SH2D4B: variants seen among roughly 807,000 people sequenced by gnomAD.
SH2D4B encodes the protein SH2 domain containing 4B.
SH2D4B carries 45 observed loss-of-function variants against 61.5 expected under a neutral mutation model. The observed-to-expected ratio is 0.73, with a 90% CI of 0.58 to 0.94. The LOEUF (loss-of-function observed/expected upper bound fraction) is 0.94, where lower values mean the gene tolerates loss of function less well. Among genes scored for constraint, SH2D4B ranks in the 40% least tolerant of loss-of-function variants. The pLI is 0.00. For synonymous variants in SH2D4B, 224 were observed against 220.4 expected (o/e 1.02, Z -0.14); for missense variants, 572 against 574.2 (o/e 1.00, Z 0.04).
rs113753973 is a variant in SH2D4B at position 80,601,397 on chromosome 10, T to G, written c.644-2182T>G. Among the ~76,000 whole-genome samples the G allele has an allele frequency of 4.5e-3, 691 of 152,342 alleles. 3 individuals are homozygous for G. The highest frequency in any genetic ancestry group is 0.015 in the African/African-American group (616 of 41,580). On this transcript the variant is annotated intron_variant, in intron 4 of 7. Coordinates refer to ENST00000646907, the MANE Select transcript of SH2D4B (RefSeq NM_001388272.1). ...GCTAGAGATATTTGTTGGTCTTATT[T>G]TCTCAACTTGCCCCTGAGTGCCTTG...
chr10:80,550,375 C>T (rs1234214200), intron 1 of SH2D4B, among the ~76,000 whole-genome samples: 1 of 152,130 alleles, frequency 6.6e-6, no homozygotes, highest in Non-Finnish European at 1.5e-5. Flanking sequence ...GGGCGGATCA[C>T]GAGGTCAGGA....
chr10:80,624,860 C>T (rs2132155087), intron 6 of SH2D4B, among the ~76,000 whole-genome samples: 1 of 152,224 alleles, frequency 6.6e-6, no homozygotes, highest in East Asian at 1.9e-4. Context: ...TGCAGAACAA[C>T]AATATTAAAA....
chr10:80,602,525 G>A (rs995012674), intron 4 of SH2D4B, among the ~76,000 whole-genome samples: 3 of 152,244 alleles, frequency 2.0e-5, no homozygotes, highest in Middle Eastern at 3.4e-3. Context: ...GCTAGAGAGC[G>A]GGGTGTCTTG....
At chr10:80,629,866 T>C (rs1842810558) in intron 6 of SH2D4B, among the ~76,000 whole-genome samples, 1 of 152,184 alleles carries the variant, frequency 6.6e-6, no homozygotes, top group Non-Finnish European at 1.5e-5. Flanking sequence ...AGGCTACCCA[T>C]GGAACAAGTC....
At chr10:80,636,325 G>A (rs778871608) in intron 7 of SH2D4B, among the ~76,000 whole-genome samples, 8 of 152,116 alleles carry the variant, frequency 5.3e-5, no homozygotes, top group Non-Finnish European at 1.0e-4. Context: ...TAATGGGATC[G>A]CTGGGTCAAA....
chr10:80,608,918 C>G (rs763087884), intron 5 of SH2D4B, among the ~76,000 whole-genome samples: 10 of 152,008 alleles, frequency 6.6e-5, no homozygotes, highest in Middle Eastern at 3.2e-3. Flanking sequence ...CCTCAGAGGG[C>G]GGGGAGGGAG....
Position 80,597,288 on chromosome 10 carries a change from C to T in SH2D4B, c.644-6291C>T, listed in dbSNP as rs954166384. 5.9e-5 allele frequency among the ~76,000 whole-genome samples: 9 copies of T among 152,278 alleles called. No individual in the cohort carries two copies. The East Asian group carries it at 1.5e-3, about 26-fold the overall frequency. On this transcript the variant is annotated intron_variant, in intron 4 of 7. Transcript: ENST00000646907. The stretch of plus-strand genomic sequence containing the variant: ...CCATTGTATTAGACATATTTCCTCC[C>T]CTCAAAATCTCAGCCTGGAAAAAGA...
At chr10:80,544,476 C>T (rs968435295) in intron 1 of SH2D4B, among the ~76,000 whole-genome samples, 7 of 152,362 alleles carry the variant, frequency 4.6e-5, no homozygotes, top group Non-Finnish European at 8.8e-5. Flanking sequence ...CTCCCACTGC[C>T]CTCATGGAAA....
Position 80,645,592 on chromosome 10 carries a change from T to C in SH2D4B, c.*1507T>C, listed in dbSNP as rs1840384840. 6.6e-6 allele frequency: 1 copy of C among 152,192 alleles called. No homozygotes were observed. The highest frequency in any genetic ancestry group is 1.5e-5 in the Non-Finnish European group (1 of 68,056). The allele number at this position is 152,192 out of a possible 1,614,324, so 9.4% of individuals were successfully genotyped here. A position where few individuals can be genotyped will look rare whatever the true frequency, so the allele number is the denominator to read the frequency against. ...TCTTGTAGAAGACAGTCCTGTAAGA[T>C]CGAGCAACCAGTCATGATGAAACCA... On this transcript the variant is annotated 3_prime_UTR_variant, in exon 8 of 8. Transcript: ENST00000646907.
At chr10:80,599,989 A>G (rs1466247468) in intron 4 of SH2D4B, among the ~76,000 whole-genome samples, 2 of 152,152 alleles carry the variant, frequency 1.3e-5, no homozygotes, top group East Asian at 3.9e-4. Flanking sequence ...TAAAGGTGCC[A>G]TTTCAGCTTC....
chr10:80,541,687 A>G (rs1205879757), intron 1 of SH2D4B, among the ~76,000 whole-genome samples: 1 of 152,216 alleles, frequency 6.6e-6, no homozygotes, highest in Non-Finnish European at 1.5e-5. Context: ...ACAGGCAGGC[A>G]GGACAAGGTG....
intron 3 of SH2D4B, among the ~76,000 whole-genome samples, chr10:80,572,688 C>T (rs537017528): frequency 3.3e-5 from 5 of 151,698 alleles, no homozygotes; most frequent in Non-Finnish European, 5.9e-5. Context: ...GGCGTGATCT[C>T]GGTTCACTGC....
rs891363997 is a variant in SH2D4B at position 80,646,225 on chromosome 10, T to G, written c.*2140T>G. ...TATCAGGGGATATGATGTGATGATT[T>G]TCAAGGTGTTGGAGGCAACTTCTGT... On this transcript the variant is annotated 3_prime_UTR_variant, in exon 8 of 8. Coordinates refer to ENST00000646907, the MANE Select transcript of SH2D4B (RefSeq NM_001388272.1). The G allele has an allele frequency of 6.6e-6, 1 of 152,596 alleles. No homozygotes were observed. The highest frequency in any genetic ancestry group is 2.4e-5 in the African/African-American group (1 of 41,412). 9.5% of individuals were successfully genotyped at this position (152,596 alleles called of 1,614,324 possible).
intron 7 of SH2D4B, among the ~76,000 whole-genome samples, chr10:80,642,355 G>A (rs532161819): frequency 5.9e-5 from 9 of 152,344 alleles, no homozygotes; most frequent in African/African-American, 2.2e-4. Context: ...TCCCTAGAAT[G>A]AGGCTGCTGA....
intron 1 of SH2D4B, among the ~76,000 whole-genome samples, chr10:80,555,693 C>T (rs185496807): frequency 5.3e-5 from 8 of 152,292 alleles, no homozygotes; most frequent in East Asian, 1.9e-4. Context: ...TTGTCCTAGT[C>T]GGCCTGAAGC....
At chr10:80,561,083 G>T (rs1461346969) in intron 1 of SH2D4B, among the ~76,000 whole-genome samples, 1 of 152,186 alleles carries the variant, frequency 6.6e-6, no homozygotes, top group Non-Finnish European at 1.5e-5. Context: ...TTTGAGAAAA[G>T]CATGTGTGAT....
At chr10:80,561,265 T>C (rs991499547) in intron 1 of SH2D4B, among the ~76,000 whole-genome samples, 6 of 152,220 alleles carry the variant, frequency 3.9e-5, no homozygotes, top group Non-Finnish European at 7.3e-5. Context: ...TGATAAAAAT[T>C]CAGCTTTAAA....
At chr10:80,545,678 C>G (rs1841667518) in intron 1 of SH2D4B, among the ~76,000 whole-genome samples, 1 of 152,260 alleles carries the variant, frequency 6.6e-6, no homozygotes, top group Admixed American at 6.5e-5. Flanking sequence ...GCATCGAGAA[C>G]AAGGTCTGGG....
At chr10:80,563,204 GC>G in intron 1 of SH2D4B, among the ~76,000 whole-genome samples, 1 of 152,320 alleles carries the variant, frequency 6.6e-6, no homozygotes, top group African/African-American at 2.4e-5. Context: ...CCCGGCCGAT[GC>G]TGAACATTTT....
Sources: allele counts gnomAD v4.1 joint callset (sites outside exome capture counted in the v4.1 genomes callset), GRCh38; gene constraint gnomAD v4.1.1; transcripts MANE v1.5; gene names NCBI Gene and HGNC (gene_info 2026-07-23, HGNC 2026-07-21).